The following KRT31 variants were observed in gnomAD, a reference collection of about 807,000 sequenced individuals.
The protein encoded by KRT31 is keratin 31.
KRT31 carries 27 observed loss-of-function variants against 40.8 expected under a neutral mutation model. The ratio of observed to expected loss-of-function variants is 0.66; its 90% CI spans 0.49 to 0.91. The LOEUF is 0.91. KRT31 is among the 40% of genes least tolerant of loss of function. The probability of loss-of-function intolerance (pLI) is 0.00; values close to 1 mark genes in which losing one functional copy is unlikely to be tolerated. For missense variants in KRT31, 510 were observed against 544.1 expected (o/e 0.94, Z 0.62); for synonymous variants, 231 against 231.9 (o/e 1.00, Z 0.03).
chr17:41,394,248 A>G, intron 6 of KRT31, 79 bp from the exon 7 acceptor site: 1 of 1,516,158 alleles, frequency 6.6e-7, no homozygotes. Context: ...CCCAAGGGTA[A>G]GAATGCCTGG....
chr17:41,395,029 G>A lies in KRT31; in HGVS notation c.916C>T (p.Arg306Cys), dbSNP rs777663715. Residue 306 changes from arginine to cysteine, a missense_variant, in exon 6 of 7, where the codon CGC becomes TGC. Transcript: ENST00000251645. ...ACCTGGGACAGCTGGGAGCTGTAGC[G>A]GGCCTCACTCTCTGTCAGCGTGTTT... ...LENTLTESEARYSSQLSQVQS... is the reference protein window; with the variant it reads ...LENTLTESEACYSSQLSQVQS... The A allele has an allele frequency of 1.7e-5, 28 of 1,614,232 alleles. No individual in the cohort carries two copies. The Middle Eastern group carries it at 4.9e-4, about 29-fold the overall frequency.
Position 41,397,182 on chromosome 17 carries a change from T to A in KRT31, c.348+10A>T, listed in dbSNP as rs1160134847. The A allele has an allele frequency of 6.2e-7, 1 of 1,612,680 alleles. No homozygotes were observed. Among genetic ancestry groups the A allele is most frequent in the African/African-American group, 1.3e-5 (1 of 75,020 alleles). Reference sequence around the variant, plus strand: ...CTCTCTTGCTTGGAGATGACAGCAATGCCGCTCACCTTCTGCTGGAGCTCC... The same window carrying A: ...CTCTCTTGCTTGGAGATGACAGCAAAGCCGCTCACCTTCTGCTGGAGCTCC... On this transcript the variant is annotated intron_variant, in intron 1 of 6. Coordinates refer to ENST00000251645, the MANE Select transcript of KRT31 (RefSeq NM_002277.3).
Position 41,397,448 on chromosome 17 carries a change from A to T in KRT31, c.92T>A (p.Leu31Gln), listed in dbSNP as rs1203221036. Residue 31 changes from leucine (L) to glutamine (Q), a missense_variant, in exon 1 of 7, where the codon CTG (leucine) becomes CAG (glutamine). Transcript: ENST00000251645. ...CVPPSCHSCTLPGACNIPANV... is the reference protein window; with the variant it reads ...CVPPSCHSCTQPGACNIPANV... ...GGCGGGGATGTTGCAGGCCCCGGGC[A>T]GGGTGCAGCTGTGGCAGCTGGGGGG... 6.2e-7 allele frequency: 1 copy of T among 1,610,548 alleles called. No individual in the cohort carries two copies. The highest frequency in any genetic ancestry group is 2.2e-5 in the East Asian group (1 of 44,720).
At chr17:41,396,163 T>C (rs2018222635) in intron 3 of KRT31, among the ~76,000 whole-genome samples, 1 of 152,056 alleles carries the variant, frequency 6.6e-6, no homozygotes, top group Non-Finnish European at 1.5e-5. Flanking sequence ...GGACTCATTC[T>C]ACAACTATTG....
In KRT31 at chr17:41,393,899, G is replaced by T. The variant is rs1047449; in HGVS notation, c.*117C>A. The T allele has an allele frequency of 0.084, 98,398 of 1,169,358 alleles. 5,160 individuals are homozygous for T. The highest frequency in any genetic ancestry group is 0.23 in the African/African-American group (14,925 of 63,842). The allele number at this position is 1,169,358 out of a possible 1,614,324, so 72.4% of individuals were successfully genotyped here. ...TGGGTGAGTTTCTTGGCTGCCTTAC[G>T]CGGGCAACTCCAGCCATGCAAATGA... On this transcript the variant is annotated 3_prime_UTR_variant, in exon 7 of 7. Transcript: ENST00000251645.
chr17:41,394,257 G>A (rs1487091719), intron 6 of KRT31, 88 bp from the exon 7 acceptor site: 1 of 1,435,014 alleles, frequency 7.0e-7, no homozygotes, highest in Non-Finnish European at 9.6e-7. Context: ...AAGAATGCCT[G>A]GGTCAAGGGA....
At position 41,395,546 on chromosome 17, in the gene KRT31, A is replaced by G. The variant is rs546395587; in HGVS notation, c.666T>C (p.Asn222=). 5 of 1,614,138 alleles carry G rather than the reference A, an allele frequency of 3.1e-6. No homozygotes were observed. In the East Asian group the frequency reaches 8.9e-5, roughly 29 times the overall value. ...EVDAAPTVDL[N]RVLNETRSQY... ...GACTCCTGGTCTCGTTCAGCACCCG[A>G]TTCAGGTCCACAGTGGGAGCAGCAT... Residue 222 remains asparagine, a synonymous_variant, in exon 4 of 7, where the codon AAT becomes AAC. Coordinates refer to ENST00000251645, the MANE Select transcript of KRT31 (RefSeq NM_002277.3).
In KRT31 at chr17:41,397,565, C is replaced by T; in HGVS notation, c.-26G>A. 2 of 1,583,558 alleles carry T rather than the reference C, an allele frequency of 1.3e-6. No individual in the cohort carries two copies. Among genetic ancestry groups the T allele is most frequent in the South Asian group, 1.2e-5 (1 of 86,916 alleles). On this transcript the variant is annotated 5_prime_UTR_variant, in exon 1 of 7. Transcript: ENST00000251645. ...AGTGCTGGGAGGGAGGGAGGGAGTG[C>T]CTGGCTGAAGACAGAGTCTAAATTC...
At chr17:41,396,649 A>T in intron 2 of KRT31, 73 bp from the exon 3 acceptor site, 1 of 1,517,526 alleles carries the variant, frequency 6.6e-7, no homozygotes, top group Non-Finnish European at 9.0e-7. Flanking sequence ...TGATAACCTC[A>T]TGTGCCTTAT....
chr17:41,397,306 C>T lies in KRT31; in HGVS notation c.234G>A (p.Glu78=). 1 of 1,614,180 alleles carries T rather than the reference C, an allele frequency of 6.2e-7. No homozygotes were observed. The highest frequency in any genetic ancestry group is 8.5e-7 in the Non-Finnish European group (1 of 1,180,042). ...GGTTCTCCAGCTCCGCGTTGTCCCG[C>T]TCCAGCTGACGCACTTTCTCCAGGT... The part of the protein sequence containing the change: ...ASYLEKVRQL[E]RDNAELENLI... Residue 78 remains glutamate, a synonymous_variant, in exon 1 of 7, where the codon GAG becomes GAA. Coordinates refer to ENST00000251645, the MANE Select transcript of KRT31 (RefSeq NM_002277.3).
At chr17:41,396,675 A>G (rs1022807053) in intron 2 of KRT31, 99 bp from the exon 3 acceptor site, 4 of 1,373,410 alleles carry the variant, frequency 2.9e-6, no homozygotes, top group African/African-American at 1.4e-5. Context: ...CACTTTCTGT[A>G]ATGAATAGGC....
At chr17:41,396,189 A>G (rs1344224884) in intron 3 of KRT31, among the ~76,000 whole-genome samples, 1 of 152,198 alleles carries the variant, frequency 6.6e-6, no homozygotes. Flanking sequence ...CTGCAAGCAC[A>G]TGGAGCTGCT....
chr17:41,396,496 A>G lies in KRT31; in HGVS notation c.512T>C (p.Leu171Pro). 6.2e-7 allele frequency: 1 copy of G among 1,614,188 alleles called. No homozygotes were observed. The highest frequency in any genetic ancestry group is 8.5e-7 in the Non-Finnish European group (1 of 1,180,026). Residue 171 changes from leucine to proline, a missense_variant, in exon 3 of 7, where the codon CTG becomes CCG. Transcript: ENST00000251645. Reference sequence around the variant, plus strand: ...CTGGGCCTCCAGGTCGGACTTGCACAGGGTCAGCTCATCCAGGATCCTGCG... The same window carrying G: ...CTGGGCCTCCAGGTCGGACTTGCACGGGGTCAGCTCATCCAGGATCCTGCG... ...GLRRILDELT[L>P]CKSDLEAQVE...
In KRT31 at chr17:41,393,974, TC is replaced by T. The variant is rs2018175240; in HGVS notation, c.*41del. On this transcript the variant is annotated 3_prime_UTR_variant, in exon 7 of 7. Transcript: ENST00000251645. ...CCAGAGCCAGGTCACAGCTCTGGAG[TC>T]CTGGGCCCTGCATCCTTGCTCCTCT... 4.4e-6 allele frequency: 7 copies of T among 1,600,576 alleles called. No homozygotes were observed. The highest frequency in any genetic ancestry group is 1.7e-5 in the Admixed American group (1 of 58,006).
rs2018196736 is a variant in KRT31, at chr17:41,395,018, G to A, written c.927C>T (p.Ser309=). ...TCAGGCTCTGCACCTGGGACAGCTG[G>A]GAGCTGTAGCGGGCCTCACTCTCTG... The part of the protein sequence containing the change: ...TLTESEARYS[S]QLSQVQSLIT... Residue 309 remains serine (S), a synonymous_variant, in exon 6 of 7, where the codon TCC becomes TCT. Transcript: ENST00000251645. 1 of 1,614,124 alleles carries A rather than the reference G, an allele frequency of 6.2e-7. No individual in the cohort carries two copies. The highest frequency in any genetic ancestry group is 8.5e-7 in the Non-Finnish European group (1 of 1,180,054).
Position 41,397,267 on chromosome 17 carries a change from C to T in KRT31, c.273G>A (p.Arg91=), listed in dbSNP as rs746379141. Residue 91 remains arginine, a synonymous_variant, in exon 1 of 7, where the codon CGG becomes CGA. Coordinates refer to ENST00000251645, the MANE Select transcript of KRT31 (RefSeq NM_002277.3). Reference sequence around the variant, plus strand: ...ACAGCAAGGGCTCCTGCTGCTGAGACCGCTCCCGGATGAGGTTCTCCAGCT... The same window carrying T: ...ACAGCAAGGGCTCCTGCTGCTGAGATCGCTCCCGGATGAGGTTCTCCAGCT... ...NAELENLIRE[R]SQQQEPLLCP... 8 of 1,614,232 alleles carry T rather than the reference C, an allele frequency of 5.0e-6. No homozygotes were observed. Among genetic ancestry groups the T allele is most frequent in the Non-Finnish European group, 6.8e-6 (8 of 1,180,042 alleles).
At position 41,395,561 on chromosome 17, in the gene KRT31, G is replaced by T. The variant is rs1289030479; in HGVS notation, c.651C>A (p.Pro217=). 1.2e-6 allele frequency: 2 copies of T among 1,614,230 alleles called. No homozygotes were observed. The highest frequency in any genetic ancestry group is 4.5e-5 in the East Asian group (2 of 44,888). The change falls in exon 4 of 7, where the codon CCC becomes CCA. Residue 217 remains proline, a synonymous_variant. Coordinates refer to ENST00000251645, the MANE Select transcript of KRT31 (RefSeq NM_002277.3). ...TCAGCACCCGATTCAGGTCCACAGT[G>T]GGAGCAGCATCCACCTCCACATTGA... ...DRLNVEVDAA[P]TVDLNRVLNE...
Position 41,396,567 on chromosome 17 carries a change from G to A in KRT31, c.441C>T (p.Thr147=), listed in dbSNP as rs367792196. Residue 147 remains threonine (T), a synonymous_variant, in exon 3 of 7, where the codon ACC becomes ACT. Transcript: ENST00000251645. ...AADDFRTKYQ[T]ELSLRQLVES... ...CCACCAGCTGCCGCAGGGACAGCTC[G>A]GTCTGGTACCTGCGCAAGGACAGGG... 37 of 1,613,626 alleles carry A rather than the reference G, an allele frequency of 2.3e-5. No individual in the cohort carries two copies. The highest frequency in any genetic ancestry group is 2.0e-4 in the East Asian group (9 of 44,888).
In KRT31 at chr17:41,395,486, T is replaced by C. The variant is rs1419507029; in HGVS notation, c.726A>G (p.Glu242=). ...CCTGCGTGGTGAACCATTGCTCCACTTCCCTGCGGTTGGTTTCCACCAGGG... is the reference window on the plus strand; with the variant it reads ...CCTGCGTGGTGAACCATTGCTCCACCTCCCTGCGGTTGGTTTCCACCAGGG... ...YEALVETNRR[E]VEQWFTTQTE... Residue 242 remains glutamate, a synonymous_variant, in exon 4 of 7, where the codon GAA becomes GAG. Coordinates refer to ENST00000251645, the MANE Select transcript of KRT31 (RefSeq NM_002277.3). 1 of 1,614,090 alleles carries C rather than the reference T, an allele frequency of 6.2e-7. No individual in the cohort carries two copies.
Sources: allele counts gnomAD v4.1 joint callset (sites outside exome capture counted in the v4.1 genomes callset), GRCh38; gene constraint gnomAD v4.1.1; transcripts MANE v1.5; gene names NCBI Gene and HGNC (gene_info 2026-07-23, HGNC 2026-07-21).